Variants in PTPRO observed in about 807,000 individuals in gnomAD.
PTPRO encodes receptor-type tyrosine-protein phosphatase O.
A neutral mutation model predicts 145.2 loss-of-function variants in PTPRO; 62 were observed. The ratio of observed to expected loss-of-function variants is 0.43; its 90% CI spans 0.35 to 0.53. The LOEUF is 0.53. PTPRO is among the 20% of genes least tolerant of loss of function. PTPRO has a pLI of 0.01. For missense variants in PTPRO, 1,345 were observed against 1,482.7 expected (o/e 0.91, Z 1.53); for synonymous variants, 565 against 514.7 (o/e 1.10, Z -1.32).
At chr12:15,358,456 A>G (rs1309523289) in intron 1 of PTPRO, among the ~76,000 whole-genome samples, 3 of 152,110 alleles carry the variant, frequency 2.0e-5, no homozygotes, top group African/African-American at 7.2e-5. Context: ...CAACTATTCA[A>G]TTCCATCCCT....
rs3748299 is a variant in PTPRO, at chr12:15,580,735, G to T, written c.3036G>T (p.Gly1012=). The change falls in exon 22 of 27, where the codon GGG becomes GGT. Residue 1012 remains glycine (G), a synonymous_variant. Coordinates refer to ENST00000281171, the MANE Select transcript of PTPRO (RefSeq NM_030667.3). ...CCCAGGAGTATATTGCCACCCAGGG[G>T]CCACTGCCTGAAACCAGAAATGACT... ...NSPQEYIATQ[G]PLPETRNDFW... 1.2e-5 allele frequency: 20 copies of T among 1,613,850 alleles called. No individual in the cohort carries two copies. The highest frequency in any genetic ancestry group is 1.1e-4 in the African/African-American group (8 of 74,872).
chr12:15,379,914 T>G (rs1938806895), intron 1 of PTPRO, among the ~76,000 whole-genome samples: 2 of 152,174 alleles, frequency 1.3e-5, no homozygotes, highest in South Asian at 4.1e-4. Context: ...TTTAAAGTAA[T>G]TGTGCACTTA....
At chr12:15,510,330 G>A (rs139729284) in intron 7 of PTPRO, among the ~76,000 whole-genome samples, 2 of 152,250 alleles carry the variant, frequency 1.3e-5, no homozygotes, top group Admixed American at 1.3e-4. Context: ...ACAGTTCATT[G>A]TGTAACTTAT....
chr12:15,532,351 A>G (rs1310119303), intron 12 of PTPRO, among the ~76,000 whole-genome samples: 1 of 152,114 alleles, frequency 6.6e-6, no homozygotes, highest in African/African-American at 2.4e-5. Flanking sequence ...AAAAACTTTC[A>G]ATATTATGTA....
At chr12:15,545,210 A>G (rs1943256968) in intron 12 of PTPRO, among the ~76,000 whole-genome samples, 1 of 152,084 alleles carries the variant, frequency 6.6e-6, no homozygotes, top group South Asian at 2.1e-4. Context: ...TGGAGAACAG[A>G]CTTAGGAGAG....
chr12:15,324,192 T>C (rs1181812908), intron 1 of PTPRO, among the ~76,000 whole-genome samples: 1 of 152,224 alleles, frequency 6.6e-6, no homozygotes, highest in Non-Finnish European at 1.5e-5. Flanking sequence ...ATTTTACCTA[T>C]GCAATAATTG....
chr12:15,534,060 A>G (rs1435425188), intron 12 of PTPRO, among the ~76,000 whole-genome samples: 1 of 152,116 alleles, frequency 6.6e-6, no homozygotes, highest in African/African-American at 2.4e-5. Context: ...CATCCATAAA[A>G]AGAAATGCAC....
intron 1 of PTPRO, chr12:15,348,599 A>C (rs1591726145): frequency 6.6e-6 from 1 of 152,244 alleles, no homozygotes; most frequent in African/African-American, 2.4e-5. Flanking sequence ...TCTACTAAAA[A>C]CACAGTGAAA....
intron 7 of PTPRO, among the ~76,000 whole-genome samples, chr12:15,512,271 C>T (rs990714466): frequency 1.3e-5 from 2 of 152,058 alleles, no homozygotes; most frequent in African/African-American, 2.4e-5. Context: ...TGAGCCACCA[C>T]GCCTCACTAA....
intron 24 of PTPRO, among the ~76,000 whole-genome samples, chr12:15,587,680 A>T (rs2135666429): frequency 6.6e-6 from 1 of 152,346 alleles, no homozygotes; most frequent in East Asian, 1.9e-4. Flanking sequence ...CATTAAATTT[A>T]ATTTGTTCTT....
rs1009065666 is a variant in PTPRO, at chr12:15,586,251, T to C, written c.3256-646T>C. 6.6e-5 allele frequency among the ~76,000 whole-genome samples: 10 copies of C among 152,176 alleles called. No homozygotes were observed. In the East Asian group the frequency reaches 7.7e-4, roughly 12 times the overall value. On this transcript the variant is annotated intron_variant, in intron 23 of 26. Transcript: ENST00000281171. ...CCCATAAGGGAGCAAGGGAAGCAGA[T>C]TGACAGAGAAGAAGCCCTACAGAGC...
At chr12:15,595,287 T>G (rs1241126212) in intron 26 of PTPRO, 1 of 500,700 alleles carries the variant, frequency 2.0e-6, no homozygotes, top group African/African-American at 1.9e-5. Context: ...CAGGAGCTTC[T>G]GCACATCATG....
At position 15,447,237 on chromosome 12, in the gene PTPRO, G is replaced by T. The variant is rs556363431; in HGVS notation, c.76-36737G>T. Among the ~76,000 whole-genome samples, 507 of 152,200 alleles carry T rather than the reference G, an allele frequency of 3.3e-3. 4 individuals carry two copies. The highest frequency in any genetic ancestry group is 0.017 in the Middle Eastern group (5 of 294). On this transcript the variant is annotated intron_variant, in intron 1 of 26. Coordinates refer to ENST00000281171, the MANE Select transcript of PTPRO (RefSeq NM_030667.3). ...TTGTCTTTGTGGATGGATTTCATGGGGGGGAGGGCAGCAGTAGAAAGTATA... is the reference window on the plus strand; with the variant it reads ...TTGTCTTTGTGGATGGATTTCATGGTGGGGAGGGCAGCAGTAGAAAGTATA...
intron 2 of PTPRO, among the ~76,000 whole-genome samples, chr12:15,488,570 A>T (rs1365584220): frequency 6.6e-6 from 1 of 152,222 alleles, no homozygotes; most frequent in African/African-American, 2.4e-5. Flanking sequence ...CAGAGTTGAC[A>T]TATTTCTCCT....
chr12:15,360,852 G>GTGTGTATATATA lies in PTPRO; in HGVS notation c.75+38056_75+38057insATATATATGTGT, dbSNP rs1555148646. On this transcript the variant is annotated intron_variant, in intron 1 of 26. Coordinates refer to ENST00000281171, the MANE Select transcript of PTPRO (RefSeq NM_030667.3). The stretch of plus-strand genomic sequence containing the variant: ...TGTATATATATACGTGTGTATATAT[G>GTGTGTATATATA]TGTGTGTATATATGTGTGTATATAC... Among the ~76,000 whole-genome samples, 75 of 110,628 alleles carry GTGTGTATATATA rather than the reference G, an allele frequency of 6.8e-4. 3 individuals carry two copies. Among genetic ancestry groups the GTGTGTATATATA allele is most frequent in the African/African-American group, 2.1e-3 (65 of 30,270 alleles). The allele number at this position is 110,628 out of a possible 152,430, so 72.6% of individuals were successfully genotyped here. A position where few individuals can be genotyped will look rare whatever the true frequency, so the allele number is the denominator to read the frequency against.
intron 1 of PTPRO, among the ~76,000 whole-genome samples, chr12:15,405,144 CAT>C (rs1305603657): frequency 3.3e-5 from 5 of 152,150 alleles, no homozygotes; most frequent in Non-Finnish European, 5.9e-5. Context: ...TTTGGGGTGA[CAT>C]AAACATTTAG....
In PTPRO at chr12:15,501,840, G is replaced by A. The variant is rs140151242; in HGVS notation, c.882G>A (p.Thr294=). 7.4e-6 allele frequency: 12 copies of A among 1,613,898 alleles called. No homozygotes were observed. Among genetic ancestry groups the A allele is most frequent in the African/African-American group, 1.3e-5 (1 of 74,894 alleles). ...PDFNSSDYET[T]SQPYWWDSAS... ...TTAATAGCAGTGACTATGAAACTACGTCTCAGCCATATTGGTGGGACAGTG... is the reference window on the plus strand; with the variant it reads ...TTAATAGCAGTGACTATGAAACTACATCTCAGCCATATTGGTGGGACAGTG... Residue 294 remains threonine, a synonymous_variant, in exon 5 of 27, where the codon ACG becomes ACA. Coordinates refer to ENST00000281171, the MANE Select transcript of PTPRO (RefSeq NM_030667.3).
intron 25 of PTPRO, among the ~76,000 whole-genome samples, chr12:15,593,750 T>A (rs1944600457): frequency 6.6e-6 from 1 of 152,192 alleles, no homozygotes; most frequent in Non-Finnish European, 1.5e-5. Context: ...ATTAGCACTT[T>A]ATTAATTCTA....
In PTPRO at chr12:15,526,964, T is replaced by C. The variant is rs2136529489; in HGVS notation, c.2164+702T>C. ...TACAGGTAGATACTAGAATAAAAAC[T>C]AGAGTTAAAATAAGTACTAAAAGAT... On this transcript the variant is annotated intron_variant, in intron 12 of 26. Coordinates refer to ENST00000281171, the MANE Select transcript of PTPRO (RefSeq NM_030667.3). 2.6e-5 allele frequency among the ~76,000 whole-genome samples: 4 copies of C among 152,016 alleles called. No individual in the cohort carries two copies. The South Asian group carries it at 8.3e-4, about 32-fold the overall frequency.
Sources: allele counts gnomAD v4.1 joint callset (sites outside exome capture counted in the v4.1 genomes callset), GRCh38; gene constraint gnomAD v4.1.1; transcripts MANE v1.5; gene names NCBI Gene and HGNC (gene_info 2026-07-23, HGNC 2026-07-21).